Variants in KCNK2 observed in about 807,000 individuals in gnomAD.
The protein encoded by KCNK2 is potassium channel subfamily K member 2.
KCNK2 carries 21 observed loss-of-function variants against 40.5 expected under a neutral mutation model. The observed-to-expected ratio is 0.52, with a 90% CI of 0.37 to 0.75. The LOEUF is 0.75. Among genes scored for constraint, KCNK2 ranks in the 30% least tolerant of loss-of-function variants. The pLI is 0.00. For missense variants in KCNK2, 399 were observed against 531.6 expected, an observed-to-expected ratio of 0.75 and a Z score of 2.45; for synonymous variants, 191 against 202.2, an observed-to-expected ratio of 0.94 and a Z score of 0.47.
intron 3 of KCNK2, among the ~76,000 whole-genome samples, chr1:215,131,693 T>G (rs1371119170): frequency 1.3e-5 from 2 of 152,034 alleles, no homozygotes; most frequent in Non-Finnish European, 2.9e-5. Flanking sequence ...AAGGCCACTA[T>G]GGTCTACAGT....
intron 1 of KCNK2, among the ~76,000 whole-genome samples, chr1:215,056,320 A>AAG (rs1247345460): frequency 2.0e-5 from 3 of 150,318 alleles, no homozygotes; most frequent in Non-Finnish European, 4.4e-5. Context: ...AAAAAAAAAA[A>AAG]AAAGGAAAGA....
At chr1:215,137,189 G>A (rs1243279201) in intron 3 of KCNK2, among the ~76,000 whole-genome samples, 1 of 152,116 alleles carries the variant, frequency 6.6e-6, no homozygotes, top group African/African-American at 2.4e-5. Context: ...GTTTCCATTA[G>A]CATTTAGAGT....
intron 3 of KCNK2, among the ~76,000 whole-genome samples, chr1:215,135,460 T>C (rs1390976273): frequency 6.6e-6 from 1 of 152,110 alleles, no homozygotes; most frequent in Non-Finnish European, 1.5e-5. Flanking sequence ...TATTATTTTA[T>C]TATTAGTGTA....
chr1:215,173,115 C>A (rs1663794101), intron 5 of KCNK2, among the ~76,000 whole-genome samples: 1 of 152,070 alleles, frequency 6.6e-6, no homozygotes, highest in South Asian at 2.1e-4. Flanking sequence ...GCTATCCCTC[C>A]CCGCTCCCTC....
intron 3 of KCNK2, among the ~76,000 whole-genome samples, chr1:215,161,479 T>G (rs898406067): frequency 3.3e-5 from 5 of 152,096 alleles, no homozygotes; most frequent in African/African-American, 1.2e-4. Context: ...TGAAGATTTG[T>G]TACATAGGTA....
chr1:215,007,021 A>ATG (rs1358275338), intron 1 of KCNK2, among the ~76,000 whole-genome samples: 4 of 15,032 alleles, frequency 2.7e-4, no homozygotes, highest in African/African-American at 2.9e-4. Flanking sequence ...ATATATATAT[A>ATG]TATATATATA....
chr1:215,210,668 T>C (rs1665704736), intron 6 of KCNK2, among the ~76,000 whole-genome samples: 1 of 152,038 alleles, frequency 6.6e-6, no homozygotes, highest in South Asian at 2.1e-4. Context: ...AGTAGCATTC[T>C]CCCTCAAGGA....
At chr1:215,024,753 ACTAT>A (rs201948443) in intron 1 of KCNK2, among the ~76,000 whole-genome samples, 1,949 of 152,206 alleles carry the variant, frequency 0.013, 38 homozygotes, top group African/African-American at 0.044. Context: ...TGTGTAGGAG[ACTAT>A]CTAGGTACTT....
chr1:215,037,748 G>T (rs913026551), intron 1 of KCNK2, among the ~76,000 whole-genome samples: 1 of 151,686 alleles, frequency 6.6e-6, no homozygotes, highest in Non-Finnish European at 1.5e-5. Flanking sequence ...AGATTATCTA[G>T]TTTTTCCTAT....
chr1:215,093,903 T>A (rs866161042), intron 2 of KCNK2, among the ~76,000 whole-genome samples: 2 of 113,378 alleles, frequency 1.8e-5, no homozygotes, highest in Non-Finnish European at 3.4e-5. Flanking sequence ...AAAAATATAT[T>A]ATATATTATA....
intron 3 of KCNK2, among the ~76,000 whole-genome samples, chr1:215,150,263 A>G (rs1662627010): frequency 6.6e-6 from 1 of 152,204 alleles, no homozygotes; most frequent in Non-Finnish European, 1.5e-5. Context: ...GGAAAGTAAC[A>G]TAATCAGAGG....
intron 6 of KCNK2, among the ~76,000 whole-genome samples, chr1:215,220,756 C>T (rs1666137030): frequency 6.6e-6 from 1 of 152,182 alleles, no homozygotes; most frequent in Non-Finnish European, 1.5e-5. Flanking sequence ...AGATTTGAAA[C>T]ATCATTAAAT....
At chr1:215,009,452 A>G (rs560108340) in intron 1 of KCNK2, among the ~76,000 whole-genome samples, 10 of 152,286 alleles carry the variant, frequency 6.6e-5, no homozygotes, top group East Asian at 1.9e-4. Context: ...ATTTACATAT[A>G]TATATCATTT....
intron 5 of KCNK2, among the ~76,000 whole-genome samples, chr1:215,181,873 G>A (rs1336043330): frequency 6.6e-6 from 1 of 152,186 alleles, no homozygotes; most frequent in Non-Finnish European, 1.5e-5. Flanking sequence ...GCCACGATAG[G>A]CAGGGCTGGG....
chr1:215,070,411 G>A (rs533305319), intron 1 of KCNK2, among the ~76,000 whole-genome samples: 11 of 71,098 alleles, frequency 1.5e-4, no homozygotes, highest in East Asian at 4.0e-4. Context: ...GTGAGACCCC[G>A]TCTTAAAAAA....
At chr1:215,220,567 C>A (rs191218143) in intron 6 of KCNK2, among the ~76,000 whole-genome samples, 1 of 152,122 alleles carries the variant, frequency 6.6e-6, no homozygotes, top group Admixed American at 6.5e-5. Flanking sequence ...AGCAACTGCA[C>A]GGATGGCTAA....
intron 2 of KCNK2, among the ~76,000 whole-genome samples, chr1:215,112,665 A>AT (rs1441965019): frequency 2.0e-5 from 3 of 152,004 alleles, no homozygotes; most frequent in Admixed American, 2.0e-4. Context: ...TAAGTGTACC[A>AT]TTTTTTACTT....
chr1:215,018,396 A>G (rs1311894534), intron 1 of KCNK2, among the ~76,000 whole-genome samples: 12 of 152,210 alleles, frequency 7.9e-5, no homozygotes, highest in Non-Finnish European at 1.8e-4. Flanking sequence ...GGGTCTTGTG[A>G]TTGGTTCCTG....
chr1:215,207,106 T>C (rs1328411216), intron 6 of KCNK2, among the ~76,000 whole-genome samples: 1 of 152,162 alleles, frequency 6.6e-6, no homozygotes, highest in Admixed American at 6.5e-5. Flanking sequence ...TGTGCAAACA[T>C]ACTCTCCCCC....
Sources: allele counts gnomAD v4.1 joint callset (sites outside exome capture counted in the v4.1 genomes callset), GRCh38; gene constraint gnomAD v4.1.1; transcripts MANE v1.5; gene names NCBI Gene and HGNC (gene_info 2026-07-23, HGNC 2026-07-21).